The following DOCK4 variants were observed in gnomAD, a reference collection of about 807,000 sequenced individuals.
DOCK4 encodes dedicator of cytokinesis protein 4.
Under a neutral mutation model 268.1 loss-of-function variants are expected in DOCK4, and 97 were observed. The ratio of observed to expected loss-of-function variants is 0.36; its 90% CI spans 0.31 to 0.43. DOCK4 has a LOEUF of 0.43. Among genes scored for constraint, DOCK4 ranks in the 20% least tolerant of loss-of-function variants. DOCK4 has a pLI of 1.00. For synonymous variants in DOCK4, 954 were observed against 887.2 expected, an observed-to-expected ratio of 1.08 and a Z score of -1.34; for missense variants, 2,145 against 2,455.7, an observed-to-expected ratio of 0.87 and a Z score of 2.67.
chr7:111,853,688 T>G (rs1320914422), intron 23 of DOCK4, among the ~76,000 whole-genome samples: 1 of 152,144 alleles, frequency 6.6e-6, no homozygotes, highest in Non-Finnish European at 1.5e-5. Flanking sequence ...TCCCACCCAC[T>G]GGCTTTAATC....
chr7:111,749,718 T>C (rs957319129), intron 42 of DOCK4, among the ~76,000 whole-genome samples: 12 of 152,184 alleles, frequency 7.9e-5, no homozygotes, highest in Admixed American at 4.6e-4. Context: ...AGTTCATCAA[T>C]ATATGAAAAC....
intron 11 of DOCK4, among the ~76,000 whole-genome samples, chr7:111,939,751 T>C (rs541498962): frequency 3.9e-5 from 6 of 152,242 alleles, no homozygotes; most frequent in African/African-American, 1.2e-4. Context: ...GGGCTTCCCT[T>C]CCCCAATTCT....
chr7:111,900,745 G>A (rs1411522032), intron 14 of DOCK4, among the ~76,000 whole-genome samples: 1 of 152,186 alleles, frequency 6.6e-6, no homozygotes, highest in African/African-American at 2.4e-5. Flanking sequence ...GATTTACTGT[G>A]CCAAGGGTAG....
chr7:111,741,242 T>A (rs2133436933), intron 46 of DOCK4, 28 bp from the exon 47 acceptor site: 1 of 1,611,854 alleles, frequency 6.2e-7, no homozygotes, highest in East Asian at 2.2e-5. Flanking sequence ...AAAAGGTCAT[T>A]AACTCAGTCT....
intron 42 of DOCK4, among the ~76,000 whole-genome samples, chr7:111,752,011 G>A (rs538095083): frequency 2.0e-5 from 3 of 152,252 alleles, no homozygotes; most frequent in Non-Finnish European, 4.4e-5. Context: ...GTAAAGTGTG[G>A]AATGAACACT....
chr7:112,195,496 G>C (rs1485103513), intron 1 of DOCK4, among the ~76,000 whole-genome samples: 1 of 152,054 alleles, frequency 6.6e-6, no homozygotes, highest in Non-Finnish European at 1.5e-5. Context: ...CTGTTATCAA[G>C]GCAGCTTTAC....
At chr7:112,184,109 C>T (rs953771270) in intron 1 of DOCK4, among the ~76,000 whole-genome samples, 11 of 152,222 alleles carry the variant, frequency 7.2e-5, no homozygotes, top group African/African-American at 2.7e-4. Context: ...CTCTTCATCT[C>T]TGTGCCCACA....
At chr7:111,944,214 T>A (rs1795433014) in intron 10 of DOCK4, among the ~76,000 whole-genome samples, 1 of 152,224 alleles carries the variant, frequency 6.6e-6, no homozygotes, top group Non-Finnish European at 1.5e-5. Flanking sequence ...ATTATATAAG[T>A]GTTTTCATAG....
intron 28 of DOCK4, among the ~76,000 whole-genome samples, 157 bp downstream of exon 28, chr7:111,811,717 T>C (rs911677978): frequency 6.6e-6 from 1 of 152,174 alleles, no homozygotes; most frequent in Non-Finnish European, 1.5e-5. Context: ...TTAAGCGCTA[T>C]GTGAACAGTC....
Position 111,790,579 on chromosome 7 carries a change from C to T in DOCK4, c.3193G>A (p.Ala1065Thr). 6.2e-7 allele frequency: 1 copy of T among 1,613,550 alleles called. No homozygotes were observed. Reference sequence around the variant, plus strand: ...ACTTCTAGGAAGGGGCCAATCAGGGCAGGGATAAAATGAAGCTTGTGCTCT... The same window carrying T: ...ACTTCTAGGAAGGGGCCAATCAGGGTAGGGATAAAATGAAGCTTGTGCTCT... ...LGEHKLHFIP[A>T]LIGPFLEVTL... The change falls in exon 31 of 53, where the codon GCC becomes ACC. Residue 1065 changes from alanine to threonine, a missense_variant. By Grantham distance (58) the Ala-to-Thr change is moderately conservative (BLOSUM62 0). Coordinates refer to ENST00000428084, the MANE Select transcript of DOCK4 (RefSeq NM_001363540.2).
At chr7:111,942,106 A>G (rs1317199299) in intron 10 of DOCK4, among the ~76,000 whole-genome samples, 2 of 152,190 alleles carry the variant, frequency 1.3e-5, no homozygotes, top group Non-Finnish European at 2.9e-5. Flanking sequence ...TTTCTAGCAC[A>G]TTCTCTAAGT....
chr7:111,917,300 TAAG>T (rs1468237032), intron 12 of DOCK4, among the ~76,000 whole-genome samples: 4 of 152,016 alleles, frequency 2.6e-5, no homozygotes, highest in Admixed American at 1.3e-4. Context: ...TGCTTTAAAA[TAAG>T]AAGGACAAAA....
At chr7:111,952,179 T>C (rs191825786) in intron 8 of DOCK4, among the ~76,000 whole-genome samples, 1 of 151,724 alleles carries the variant, frequency 6.6e-6, no homozygotes, top group East Asian at 1.9e-4. Flanking sequence ...CCACAACATA[T>C]CTGTGTTTAT....
intron 16 of DOCK4, 83 bp downstream of exon 16, chr7:111,895,529 T>C: frequency 1.2e-5 from 14 of 1,172,002 alleles, no homozygotes; most frequent in Non-Finnish European, 1.8e-5. Context: ...GTCATTTTTT[T>C]CTCTTTTCAA....
intron 51 of DOCK4, among the ~76,000 whole-genome samples, chr7:111,733,001 T>C (rs1006978732): frequency 4.6e-5 from 7 of 152,244 alleles, no homozygotes; most frequent in African/African-American, 1.7e-4. Flanking sequence ...CCTGTGTGCA[T>C]GCTTGTATAG....
At chr7:112,119,264 G>A (rs562322214) in intron 1 of DOCK4, among the ~76,000 whole-genome samples, 138 of 152,174 alleles carry the variant, frequency 9.1e-4, no homozygotes, top group Middle Eastern at 6.8e-3. Context: ...AGAAGCCTCC[G>A]CCCCATTCCA....
chr7:112,123,392 C>T (rs1419308503), intron 1 of DOCK4, among the ~76,000 whole-genome samples: 3 of 152,110 alleles, frequency 2.0e-5, no homozygotes, highest in African/African-American at 7.2e-5. Flanking sequence ...TGAACCCCAA[C>T]ACGGGGATAA....
In DOCK4 at chr7:112,117,977, TAAGA is replaced by T. The variant is rs112917335; in HGVS notation, c.37+88121_37+88124del. Among the ~76,000 whole-genome samples the T allele has an allele frequency of 6.7e-3, 1,013 of 152,224 alleles. 13 individuals are homozygous for T. Among genetic ancestry groups the T allele is most frequent in the African/African-American group, 0.023 (957 of 41,538 alleles). On this transcript the variant is annotated intron_variant, in intron 1 of 52. Coordinates refer to ENST00000428084, the MANE Select transcript of DOCK4 (RefSeq NM_001363540.2). ...TAAAACCTTTCTTCTCATATCACCA[TAAGA>T]AAGAATGGCCTCCTCCTCCAGAGCC...
At chr7:111,831,588 G>A (rs931973182) in intron 26 of DOCK4, among the ~76,000 whole-genome samples, 1 of 151,670 alleles carries the variant, frequency 6.6e-6, no homozygotes, top group African/African-American at 2.4e-5. Flanking sequence ...TGGCTGAAGC[G>A]ATACTCCCAT....
Sources: gnomAD v4.1 joint callset for allele counts (sites outside exome capture counted in the v4.1 genomes callset) on GRCh38, gnomAD v4.1.1 for gene constraint, MANE v1.5 for transcripts, NCBI Gene and HGNC (gene_info 2026-07-23, HGNC 2026-07-21) for gene names.